Variants in LPCAT4 observed in about 807,000 individuals in gnomAD.
The protein encoded by LPCAT4 is lysophosphatidylcholine acyltransferase 4, also known as lysophospholipid acyltransferase LPCAT4.
Under a neutral mutation model 66.5 loss-of-function variants are expected in LPCAT4, and 30 were observed. The ratio of observed to expected loss-of-function variants is 0.45; its 90% CI spans 0.34 to 0.61. LPCAT4 has a LOEUF of 0.61. Ranked by LOEUF, LPCAT4 falls within the 20% of genes least tolerant of loss-of-function variation. LPCAT4 has a pLI of 0.01. For missense variants in LPCAT4, 557 were observed against 656.7 expected (o/e 0.85, Z 1.66); for synonymous variants, 253 against 262.1 (o/e 0.97, Z 0.34).
In LPCAT4 at chr15:34,359,208, C is replaced by T. The variant is rs1413770402; in HGVS notation, c.1494G>A (p.Gln498=). 6.2e-7 allele frequency: 1 copy of T among 1,600,042 alleles called. No homozygotes were observed. Among genetic ancestry groups the T allele is most frequent in the South Asian group, 1.1e-5 (1 of 88,404 alleles). Residue 498 remains glutamine, a synonymous_variant, in exon 14 of 14, where the codon CAG becomes CAA. Transcript: ENST00000314891. ...RPPHTSRGTS[Q]TPNASSPGNP... Reference sequence around the variant, plus strand: ...TGCCTGGGGATGAGGCATTTGGTGTCTGGGAGGTGCCTCGAGAGGTGTGTG... The same window carrying T: ...TGCCTGGGGATGAGGCATTTGGTGTTTGGGAGGTGCCTCGAGAGGTGTGTG...
chr15:34,360,699 A>G (rs1890921465), intron 11 of LPCAT4, among the ~76,000 whole-genome samples: 1 of 152,178 alleles, frequency 6.6e-6, no homozygotes, highest in Non-Finnish European at 1.5e-5. Context: ...CTACAGGCCA[A>G]GTGGGGGAAG....
intron 10 of LPCAT4, among the ~76,000 whole-genome samples, chr15:34,361,848 T>C (rs141554705): frequency 0.011 from 1,668 of 152,226 alleles, 12 homozygotes; most frequent in Middle Eastern, 0.017. Flanking sequence ...TACAGGCATG[T>C]GCCACCAAAC....
intron 10 of LPCAT4, among the ~76,000 whole-genome samples, 176 bp from the exon 11 acceptor site, chr15:34,361,708 CTTTTT>C (rs71119958): frequency 1.1e-4 from 16 of 150,770 alleles, no homozygotes; most frequent in Middle Eastern, 3.4e-3. Flanking sequence ...CTTTTCTTTT[CTTTTT>C]TTTTTTGACG....
intron 10 of LPCAT4, 148 bp from the exon 11 acceptor site, chr15:34,361,680 A>G (rs1049593913): frequency 1.3e-5 from 12 of 904,238 alleles, no homozygotes; most frequent in Middle Eastern, 4.5e-4. Flanking sequence ...GTCCCTTGAG[A>G]GCACTTCTTA....
chr15:34,364,106 A>G lies in LPCAT4; in HGVS notation c.592-33T>C, dbSNP rs377532030. On this transcript the variant is annotated intron_variant, in intron 4 of 13. Coordinates refer to ENST00000314891, the MANE Select transcript of LPCAT4 (RefSeq NM_153613.3). ...AAAAAAGAGCAGAATGAGGTGAAGA[A>G]GACTGAAGAAGGCTGTGGAGAGAGG... 1.6e-4 allele frequency: 256 copies of G among 1,605,818 alleles called. 1 individual carries two copies. The highest frequency in any genetic ancestry group is 2.0e-4 in the Non-Finnish European group (238 of 1,172,620).
In LPCAT4 at chr15:34,364,352, A is replaced by T. The variant is rs776517835; in HGVS notation, c.479-46T>A. 5 of 1,236,438 alleles carry T rather than the reference A, an allele frequency of 4.0e-6. No homozygotes were observed. The South Asian group carries it at 6.2e-5, about 15-fold the overall frequency. The allele number at this position is 1,236,438 out of a possible 1,614,324, so 76.6% of individuals were successfully genotyped here. A position where few individuals can be genotyped will look rare whatever the true frequency, so the allele number is the denominator to read the frequency against. ...AAGAGGAATCACTTCTTTCCTACCC[A>T]GGGGCAGTAACATCTGCAGCCTCCA... On this transcript the variant is annotated intron_variant, in intron 3 of 13. Transcript: ENST00000314891.
rs1439037982 is a variant in LPCAT4 at position 34,365,710 on chromosome 15, G to A, written c.115-9C>T. 2.5e-6 allele frequency: 4 copies of A among 1,613,220 alleles called. No individual in the cohort carries two copies. Among genetic ancestry groups the A allele is most frequent in the Non-Finnish European group, 8.5e-7 (1 of 1,179,818 alleles). On this transcript the variant is annotated splice_polypyrimidine_tract_variant and intron_variant, in intron 1 of 13. Coordinates refer to ENST00000314891, the MANE Select transcript of LPCAT4 (RefSeq NM_153613.3). ...GCCCCCAGGAGGCAGAACTGCAAAG[G>A]GTGGGAGAGAATGCCACTTTAGAGC...
intron 1 of LPCAT4, 63 bp downstream of exon 1, chr15:34,366,924 G>C (rs1891091307): frequency 2.0e-6 from 3 of 1,529,526 alleles, no homozygotes; most frequent in Non-Finnish European, 2.6e-6. Context: ...CTTTGCCAGG[G>C]CTCAAATGGC....
At chr15:34,364,590 A>AT (rs59218958) in intron 3 of LPCAT4, 816 of 155,940 alleles carry the variant, frequency 5.2e-3, no homozygotes, top group South Asian at 0.015. Context: ...CGCCCGGCTA[A>AT]TTTTTTTTTT....
intron 11 of LPCAT4, 71 bp downstream of exon 11, chr15:34,361,329 C>T (rs566382601): frequency 1.4e-5 from 23 of 1,591,824 alleles, no homozygotes; most frequent in Admixed American, 3.4e-5. Flanking sequence ...GTGACTGATA[C>T]GGCCACTAGG....
chr15:34,367,133 C>T lies in LPCAT4; in HGVS notation c.-33G>A. On this transcript the variant is annotated 5_prime_UTR_variant, in exon 1 of 14. Transcript: ENST00000314891. ...GAAGGTGGGAGGGAGGGCACCCCGG[C>T]CCTGGCCCCGGCCACCACTCTGCAG... is the stretch of plus-strand genomic sequence containing the variant. 34 of 1,504,772 alleles carry T rather than the reference C, an allele frequency of 2.3e-5. No homozygotes were observed. The highest frequency in any genetic ancestry group is 2.9e-5 in the Non-Finnish European group (33 of 1,125,228). 93.2% of individuals were successfully genotyped at this position (1,504,772 alleles called of 1,614,324 possible).
In LPCAT4 at chr15:34,365,565, C is replaced by T; in HGVS notation, c.251G>A (p.Trp84Ter). 6.2e-7 allele frequency: 1 copy of T among 1,614,196 alleles called. No homozygotes were observed. Among genetic ancestry groups the T allele is most frequent in the Non-Finnish European group, 8.5e-7 (1 of 1,180,022 alleles). The change falls in exon 2 of 14, where the codon TGG becomes TAG. Residue 84 changes from tryptophan (W) to a stop codon, truncating the protein, a stop_gained. Transcript: ENST00000314891. LOFTEE classifies it high-confidence loss of function. ...GGGCTGATCCCTCACTTACTTCCTC[C>T]ATCCTGTAATTGGCTCCTGAAGCTG... ...EEQLQEPITG[W>*]RKTVCHNGVL... is the part of the protein sequence containing the mutation.
chr15:34,359,623 C>T lies in LPCAT4; in HGVS notation c.1365G>A (p.Leu455=), dbSNP rs79336924. The part of the protein sequence containing the change: ...HPAATALHAE[L]CQAGSSQGLS... ...GGCCTTGGCTGGATCCTGCCTGGCACAGCTCAGCATGCAAAGCTGTGGCAG... is the reference window on the plus strand; with the variant it reads ...GGCCTTGGCTGGATCCTGCCTGGCATAGCTCAGCATGCAAAGCTGTGGCAG... Residue 455 remains leucine, a synonymous_variant, in exon 13 of 14, where the codon CTG becomes CTA. Coordinates refer to ENST00000314891, the MANE Select transcript of LPCAT4 (RefSeq NM_153613.3). 2 of 1,613,018 alleles carry T rather than the reference C, an allele frequency of 1.2e-6. No homozygotes were observed. Among genetic ancestry groups the T allele is most frequent in the East Asian group, 2.2e-5 (1 of 44,884 alleles).
intron 1 of LPCAT4, chr15:34,366,094 C>T: frequency 5.8e-6 from 1 of 173,768 alleles, no homozygotes; most frequent in Non-Finnish European, 1.3e-5. Context: ...AGCTCCTATG[C>T]CCAACAGAAA....
intron 7 of LPCAT4, 68 bp from the exon 8 acceptor site, chr15:34,362,904 C>G (rs1302819686): frequency 4.6e-6 from 7 of 1,506,778 alleles, no homozygotes; most frequent in African/African-American, 2.8e-5. Flanking sequence ...CTCCCACACC[C>G]CACTCCCCTT....
chr15:34,365,303 A>C, intron 2 of LPCAT4, 75 bp from the exon 3 acceptor site: 19 of 1,439,636 alleles, frequency 1.3e-5, no homozygotes, highest in Non-Finnish European at 1.8e-5. Context: ...AGACACCGGG[A>C]AAGTAGGGCA....
intron 11 of LPCAT4, 60 bp downstream of exon 11, chr15:34,361,340 A>G (rs1319873475): frequency 6.2e-7 from 1 of 1,606,588 alleles, no homozygotes; most frequent in Non-Finnish European, 8.5e-7. Context: ...GGCCACTAGG[A>G]ACATGTCAGC....
intron 9 of LPCAT4, 69 bp downstream of exon 9, chr15:34,362,504 C>A: frequency 6.8e-7 from 1 of 1,467,636 alleles, no homozygotes; most frequent in South Asian, 1.3e-5. Flanking sequence ...AAAACCTCGC[C>A]CCCTCCACGC....
chr15:34,362,701 G>T (rs756968148), intron 8 of LPCAT4, 46 bp from the exon 9 acceptor site: 1 of 1,610,904 alleles, frequency 6.2e-7, no homozygotes, highest in Non-Finnish European at 8.5e-7. Context: ...TCAAAGTGAG[G>T]TATGACCACT....
Sources: allele counts gnomAD v4.1 joint callset (sites outside exome capture counted in the v4.1 genomes callset), GRCh38; gene constraint gnomAD v4.1.1; transcripts MANE v1.5; gene names NCBI Gene and HGNC (gene_info 2026-07-23, HGNC 2026-07-21).